Variants in ASB5 observed in about 807,000 individuals in gnomAD.
The protein encoded by ASB5 is ankyrin repeat and SOCS box protein 5.
Under a neutral mutation model 42.1 loss-of-function variants are expected in ASB5, and 45 were observed. The ratio of observed to expected loss-of-function variants is 1.07; its 90% CI spans 0.84 to 1.37. ASB5 has a LOEUF of 1.37. Ranked by LOEUF, ASB5 falls within the 40% of genes most tolerant of loss-of-function variation. The pLI is 0.00. For missense variants in ASB5, 402 were observed against 399.8 expected, an observed-to-expected ratio of 1.01 and a Z score of -0.05; for synonymous variants, 147 against 150.6, an observed-to-expected ratio of 0.98 and a Z score of 0.18.
In ASB5 at chr4:176,222,350, A is replaced by G; in HGVS notation, c.347T>C (p.Val116Ala). The change falls in exon 3 of 7, where the codon GTG (valine) becomes GCG (alanine). Residue 116 changes from valine (V) to alanine (A), a missense_variant. By Grantham distance (64) the Val-to-Ala change is moderately conservative. Coordinates refer to ENST00000296525, the MANE Select transcript of ASB5 (RefSeq NM_080874.4). ...PLHEACLGDH[V>A]ACARTLLEAG... is the part of the protein sequence containing the mutation. ...TTCCAGCAGAGTTCTGGCACATGCCACGTGATCTCCAAGGCAGGCTTCGTG... is the reference window on the plus strand; with the variant it reads ...TTCCAGCAGAGTTCTGGCACATGCCGCGTGATCTCCAAGGCAGGCTTCGTG... 6.2e-7 allele frequency: 1 copy of G among 1,614,040 alleles called. No individual in the cohort carries two copies. The highest frequency in any genetic ancestry group is 8.5e-7 in the Non-Finnish European group (1 of 1,179,920).
intron 1 of ASB5, among the ~76,000 whole-genome samples, chr4:176,246,590 G>A (rs571179289): frequency 6.6e-5 from 10 of 152,266 alleles, no homozygotes; most frequent in African/African-American, 7.2e-5. Flanking sequence ...ATAATGATAC[G>A]GGGAATGCTT....
chr4:176,261,718 G>T (rs1040198600), intron 1 of ASB5, among the ~76,000 whole-genome samples: 3 of 152,152 alleles, frequency 2.0e-5, no homozygotes, highest in African/African-American at 7.2e-5. Context: ...ACTTAGAGGA[G>T]AACATCAATT....
intron 1 of ASB5, among the ~76,000 whole-genome samples, chr4:176,239,864 T>C (rs1420807807): frequency 6.6e-6 from 1 of 152,130 alleles, no homozygotes; most frequent in Non-Finnish European, 1.5e-5. Context: ...AAATTAAAAA[T>C]GGATCAAAAG....
rs71244921 is a variant in ASB5, at chr4:176,218,278, AAT to A, written c.671-1271_671-1270del. Among the ~76,000 whole-genome samples, 139 of 79,548 alleles carry A rather than the reference AAT, an allele frequency of 1.7e-3. 1 individual carries two copies. Among genetic ancestry groups the A allele is most frequent in the African/African-American group, 4.8e-3 (90 of 18,840 alleles). The allele number at this position is 79,548 out of a possible 152,430, so 52.2% of individuals were successfully genotyped here. On this transcript the variant is annotated intron_variant, in intron 5 of 6. Transcript: ENST00000296525. ...TATATATATATTTGTATGATATATA[AAT>A]ATATATATATTTGTATGATATATAA... is the stretch of plus-strand genomic sequence containing the variant.
rs955402666 is a variant in ASB5 at position 176,215,794 on chromosome 4, T to G, written c.863-67A>C. On this transcript the variant is annotated intron_variant, in intron 6 of 6. Transcript: ENST00000296525. ...TGAATTTTTTATGTTGTAAGGTACA[T>G]AACATAAAACCATAAAAACTACAAT... is the stretch of plus-strand genomic sequence containing the variant. 6 of 1,468,582 alleles carry G rather than the reference T, an allele frequency of 4.1e-6. No homozygotes were observed. The African/African-American group carries it at 8.5e-5, about 21-fold the overall frequency. The allele number at this position is 1,468,582 out of a possible 1,614,324, so 91.0% of individuals were successfully genotyped here. A position where few individuals can be genotyped will look rare whatever the true frequency, so the allele number is the denominator to read the frequency against.
At chr4:176,245,551 A>T (rs1287639532) in intron 1 of ASB5, among the ~76,000 whole-genome samples, 5 of 152,220 alleles carry the variant, frequency 3.3e-5, no homozygotes, top group Non-Finnish European at 7.4e-5. Context: ...TACTGGGTAT[A>T]TACCCAAAGG....
intron 1 of ASB5, among the ~76,000 whole-genome samples, chr4:176,266,660 T>A (rs1422715908): frequency 5.9e-5 from 9 of 152,112 alleles, no homozygotes; most frequent in Admixed American, 5.9e-4. Context: ...GAATTAAAAT[T>A]ATAATACTAT....
At chr4:176,217,157 A>T (rs1752996106) in intron 5 of ASB5, 148 bp from the exon 6 acceptor site, 1 of 626,338 alleles carries the variant, frequency 1.6e-6, no homozygotes, top group Non-Finnish European at 2.7e-6. Context: ...CTTTATATAC[A>T]TATACAGTAT....
chr4:176,218,278 AATATATATATATTTGTATGATATATAAAT>A (rs1753039404), intron 5 of ASB5, among the ~76,000 whole-genome samples: 2 of 79,750 alleles, frequency 2.5e-5, no homozygotes, highest in African/African-American at 1.1e-4. Context: ...ATGATATATA[AATATATATATATTTGTATGATATATAAAT>A]ATATATATTT....
chr4:176,257,092 A>G (rs1359695302), intron 1 of ASB5, among the ~76,000 whole-genome samples: 2 of 152,160 alleles, frequency 1.3e-5, no homozygotes, highest in African/African-American at 2.4e-5. Flanking sequence ...AGAAAATAAA[A>G]TAAAAGGACA....
At chr4:176,232,130 T>A (rs916027904) in intron 1 of ASB5, among the ~76,000 whole-genome samples, 24 of 108,014 alleles carry the variant, frequency 2.2e-4, no homozygotes, top group East Asian at 6.9e-4. Context: ...TATATATACT[T>A]TTTTTTTTTG....
intron 2 of ASB5, among the ~76,000 whole-genome samples, chr4:176,224,619 T>G (rs565882257): frequency 6.6e-6 from 1 of 152,072 alleles, no homozygotes; most frequent in Non-Finnish European, 1.5e-5. Context: ...GTGATCCACC[T>G]GCCTCCGCCT....
chr4:176,217,049 T>C, intron 5 of ASB5, 40 bp from the exon 6 acceptor site: 11 of 1,509,350 alleles, frequency 7.3e-6, no homozygotes, highest in Non-Finnish European at 9.8e-6. Context: ...TAAATAAAAG[T>C]TGTTAAATAA....
At chr4:176,255,731 A>G (rs1271947609) in intron 1 of ASB5, among the ~76,000 whole-genome samples, 2 of 152,210 alleles carry the variant, frequency 1.3e-5, no homozygotes, top group African/African-American at 2.4e-5. Flanking sequence ...AGATGTGGGT[A>G]CGGGTTGAAA....
At chr4:176,232,911 G>C (rs76406396) in intron 1 of ASB5, among the ~76,000 whole-genome samples, 3,761 of 152,174 alleles carry the variant, frequency 0.025, 151 homozygotes, top group African/African-American at 0.086. Context: ...AACTATTACT[G>C]ATCACTGGTG....
At chr4:176,234,673 G>A (rs549462220) in intron 1 of ASB5, among the ~76,000 whole-genome samples, 1 of 152,292 alleles carries the variant, frequency 6.6e-6, no homozygotes, top group East Asian at 1.9e-4. Flanking sequence ...ATCACACCCA[G>A]CTTCATTAGA....
intron 1 of ASB5, among the ~76,000 whole-genome samples, chr4:176,233,443 A>T (rs983530681): frequency 1.4e-5 from 2 of 146,652 alleles, no homozygotes; most frequent in Non-Finnish European, 3.1e-5. Context: ...ATCTCAATCC[A>T]TTTCTAAAAG....
chr4:176,238,209 A>AAG (rs1273242354), intron 1 of ASB5, among the ~76,000 whole-genome samples: 1 of 149,268 alleles, frequency 6.7e-6, no homozygotes, highest in Non-Finnish European at 1.5e-5. Context: ...TCCGTCTCAA[A>AAG]AAAAAAAAAA....
intron 6 of ASB5, 52 bp downstream of exon 6, chr4:176,216,766 T>A: frequency 6.9e-7 from 1 of 1,447,900 alleles, no homozygotes; most frequent in Non-Finnish European, 9.3e-7. Flanking sequence ...CTTTCATCTA[T>A]TTTAGGCAAA....
Sources: gnomAD v4.1 joint callset for allele counts (sites outside exome capture counted in the v4.1 genomes callset) on GRCh38, gnomAD v4.1.1 for gene constraint, MANE v1.5 for transcripts, NCBI Gene and HGNC (gene_info 2026-07-23, HGNC 2026-07-21) for gene names.